The following GRM5 variants were observed in gnomAD, a reference collection of about 807,000 sequenced individuals.
GRM5 encodes the protein glutamate metabotropic receptor 5.
GRM5 carries 19 observed loss-of-function variants against 83.1 expected under a neutral mutation model. The observed-to-expected ratio is 0.23, with a 90% CI of 0.16 to 0.34. The LOEUF (loss-of-function observed/expected upper bound fraction) is 0.34. Among genes scored for constraint, GRM5 ranks in the 10% least tolerant of loss-of-function variants. The pLI, the probability that GRM5 is intolerant of heterozygous loss-of-function variation, is 1.00. For missense variants in GRM5, 1,160 were observed against 1,588.3 expected (o/e 0.73, Z 4.58); for synonymous variants, 675 against 633.6 (o/e 1.07, Z -0.98).
rs138166297 is a variant in GRM5, at chr11:88,724,616, G to A, written c.912-71213C>T. Among the ~76,000 whole-genome samples, 432 of 152,250 alleles carry A rather than the reference G, an allele frequency of 2.8e-3. 1 individual carries two copies. Among genetic ancestry groups the A allele is most frequent in the African/African-American group, 9.9e-3 (412 of 41,546 alleles). On this transcript the variant is annotated intron_variant, in intron 3 of 9. Transcript: ENST00000305447. ...TGGATAATAACAAACATAGGTGGCT[G>A]GCAAGATGGCCAAATACAAACAGCT... is the stretch of plus-strand genomic sequence containing the variant.
At chr11:88,985,299 A>T (rs1187734268) in intron 2 of GRM5, among the ~76,000 whole-genome samples, 1 of 152,140 alleles carries the variant, frequency 6.6e-6, no homozygotes, top group African/African-American at 2.4e-5. Context: ...TAGGTACATA[A>T]TAAAAATCCT....
At chr11:88,966,492 A>G (rs1938966602) in intron 2 of GRM5, among the ~76,000 whole-genome samples, 1 of 152,150 alleles carries the variant, frequency 6.6e-6, no homozygotes, top group Non-Finnish European at 1.5e-5. Flanking sequence ...AATATCAGGA[A>G]TTGAATAAGG....
chr11:88,758,591 T>C (rs1395115002), intron 3 of GRM5, among the ~76,000 whole-genome samples: 1 of 152,194 alleles, frequency 6.6e-6, no homozygotes, highest in East Asian at 1.9e-4. Context: ...TATGAGATTA[T>C]GTAAAGGGAC....
intron 8 of GRM5, among the ~76,000 whole-genome samples, chr11:88,533,345 T>C (rs1176462866): frequency 6.6e-6 from 1 of 152,188 alleles, no homozygotes; most frequent in Non-Finnish European, 1.5e-5. Context: ...CCTTTAATGC[T>C]TTCATTAAAA....
rs562070493 is a variant in GRM5 at position 88,987,605 on chromosome 11, T to C, written c.661+59607A>G. On this transcript the variant is annotated intron_variant, in intron 2 of 9. Coordinates refer to ENST00000305447, the MANE Select transcript of GRM5 (RefSeq NM_001143831.3). Reference sequence around the variant, plus strand: ...GCAGTAACCTCTGCAGACTTAAATGTCCTTGTCTGACAGCTTTGAAGAGAG... The same window carrying C: ...GCAGTAACCTCTGCAGACTTAAATGCCCTTGTCTGACAGCTTTGAAGAGAG... Among the ~76,000 whole-genome samples, 386 of 152,114 alleles carry C rather than the reference T, an allele frequency of 2.5e-3. 1 individual carries two copies. Among genetic ancestry groups the C allele is most frequent in the African/African-American group, 8.7e-3 (361 of 41,410 alleles).
At chr11:88,705,858 G>T (rs1190848074) in intron 3 of GRM5, among the ~76,000 whole-genome samples, 1 of 151,794 alleles carries the variant, frequency 6.6e-6, no homozygotes, top group Non-Finnish European at 1.5e-5. Context: ...CTCAACTTAT[G>T]ACATTCAAAA....
chr11:88,836,221 TG>T (rs1944092805), intron 3 of GRM5, among the ~76,000 whole-genome samples: 1 of 152,240 alleles, frequency 6.6e-6, no homozygotes, highest in Non-Finnish European at 1.5e-5. Context: ...ATGGGACATA[TG>T]ACTTCTATTA....
chr11:88,916,672 A>G (rs1165318866), intron 2 of GRM5, among the ~76,000 whole-genome samples: 1 of 151,732 alleles, frequency 6.6e-6, no homozygotes, highest in African/African-American at 2.4e-5. Context: ...ACTCAGTAAG[A>G]AACCAGCTGG....
At chr11:88,952,884 A>C (rs1445588230) in intron 2 of GRM5, among the ~76,000 whole-genome samples, 1 of 152,190 alleles carries the variant, frequency 6.6e-6, no homozygotes, top group Non-Finnish European at 1.5e-5. Flanking sequence ...TATCTGTAAA[A>C]CATCTTCTAA....
At chr11:88,672,533 A>G (rs1023710448) in intron 3 of GRM5, among the ~76,000 whole-genome samples, 1 of 151,944 alleles carries the variant, frequency 6.6e-6, no homozygotes. Context: ...TATTTTTTAT[A>G]AGTTGATATC....
chr11:88,596,107 A>G (rs950713196), intron 6 of GRM5, among the ~76,000 whole-genome samples: 5 of 152,072 alleles, frequency 3.3e-5, no homozygotes, highest in Admixed American at 1.3e-4. Flanking sequence ...CCATTTTTCT[A>G]TTCCTGGAAA....
chr11:88,870,880 A>G (rs1289426170), intron 2 of GRM5, among the ~76,000 whole-genome samples: 1 of 151,536 alleles, frequency 6.6e-6, no homozygotes, highest in Non-Finnish European at 1.5e-5. Flanking sequence ...TAAATAAACG[A>G]TTAAAGGGAA....
At chr11:88,744,124 T>A (rs1942084036) in intron 3 of GRM5, among the ~76,000 whole-genome samples, 1 of 152,166 alleles carries the variant, frequency 6.6e-6, no homozygotes, top group Non-Finnish European at 1.5e-5. Flanking sequence ...GGTCTAAATT[T>A]AAAAATCTAG....
chr11:88,516,261 G>A (rs745699394), intron 9 of GRM5, among the ~76,000 whole-genome samples: 7 of 152,082 alleles, frequency 4.6e-5, no homozygotes, highest in Admixed American at 1.3e-4. Context: ...TAACTAAGTC[G>A]ACCAAGTCAA....
chr11:88,734,763 C>A (rs1941878419), intron 3 of GRM5, among the ~76,000 whole-genome samples: 1 of 152,064 alleles, frequency 6.6e-6, no homozygotes, highest in Admixed American at 6.6e-5. Flanking sequence ...AAATATAACA[C>A]TTGGTACAGT....
intron 2 of GRM5, among the ~76,000 whole-genome samples, chr11:88,854,878 A>C (rs1170806720): frequency 6.6e-6 from 1 of 152,020 alleles, no homozygotes; most frequent in Non-Finnish European, 1.5e-5. Context: ...ACCAAATCAT[A>C]CTTTAGTAAG....
Position 88,750,999 on chromosome 11 carries a change from G to T in GRM5, c.912-97596C>A, listed in dbSNP as rs180703595. Among the ~76,000 whole-genome samples the T allele has an allele frequency of 1.1e-3, 114 of 107,952 alleles. 1 individual carries two copies. The South Asian group carries it at 0.012, about 12-fold the overall frequency. The allele number at this position is 107,952 out of a possible 152,430, so 70.8% of individuals were successfully genotyped here. A position where few individuals can be genotyped will look rare whatever the true frequency, so the allele number is the denominator to read the frequency against. On this transcript the variant is annotated intron_variant, in intron 3 of 9. Coordinates refer to ENST00000305447, the MANE Select transcript of GRM5 (RefSeq NM_001143831.3). ...TAGAAACTTCACATCTCAACTAAAA[G>T]AACTAGAGAAACAAGAGGAAAGAAA...
intron 2 of GRM5, among the ~76,000 whole-genome samples, chr11:89,043,444 A>T (rs1312188570): frequency 6.6e-6 from 1 of 152,238 alleles, no homozygotes; most frequent in Admixed American, 6.5e-5. Flanking sequence ...TGAAACATTC[A>T]GACTTTAAGG....
intron 3 of GRM5, among the ~76,000 whole-genome samples, chr11:88,727,227 G>A (rs923959500): frequency 3.3e-5 from 5 of 151,782 alleles, no homozygotes; most frequent in Non-Finnish European, 7.4e-5. Flanking sequence ...AGAAATCAGG[G>A]GTTGCAATCC....
Sources: gnomAD v4.1 joint callset for allele counts (sites outside exome capture counted in the v4.1 genomes callset) on GRCh38, gnomAD v4.1.1 for gene constraint, MANE v1.5 for transcripts, NCBI Gene and HGNC (gene_info 2026-07-23, HGNC 2026-07-21) for gene names.